GABRA5: variants seen among roughly 807,000 people sequenced by gnomAD.
GABRA5 encodes the protein gamma-aminobutyric acid receptor subunit alpha-5.
GABRA5 carries 18 observed loss-of-function variants against 47.3 expected under a neutral mutation model. That is an observed-to-expected ratio of 0.38 (90% confidence interval 0.26 to 0.56). The LOEUF (loss-of-function observed/expected upper bound fraction) is 0.56. Ranked by LOEUF, GABRA5 falls within the 20% of genes least tolerant of loss-of-function variation. The probability of loss-of-function intolerance (pLI) is 0.71; values close to 1 mark genes in which losing one functional copy is unlikely to be tolerated. For missense variants in GABRA5, 365 were observed against 599.3 expected (o/e 0.61, Z 4.08); for synonymous variants, 237 against 229.3 (o/e 1.03, Z -0.30).
At chr15:26,913,599 C>T (rs926054468) in intron 6 of GABRA5, among the ~76,000 whole-genome samples, 2 of 152,090 alleles carry the variant, frequency 1.3e-5, no homozygotes, top group Non-Finnish European at 2.9e-5. Context: ...ATTATTTGCT[C>T]TAAAAATAGA....
chr15:26,876,358 A>G (rs1286888860), intron 3 of GABRA5, among the ~76,000 whole-genome samples: 1 of 152,190 alleles, frequency 6.6e-6, no homozygotes, highest in East Asian at 1.9e-4. Context: ...AAGTGCACAC[A>G]AAAAGGAAAG....
At chr15:26,947,913 C>T in intron 10 of GABRA5, 21 bp from the exon 11 acceptor site, 1 of 1,553,304 alleles carries the variant, frequency 6.4e-7, no homozygotes, top group South Asian at 1.2e-5. Context: ...CGTGTCCTTA[C>T]ATTCGTATTA....
At chr15:26,893,088 G>C (rs1893053367) in intron 6 of GABRA5, among the ~76,000 whole-genome samples, 2 of 149,972 alleles carry the variant, frequency 1.3e-5, no homozygotes, top group African/African-American at 4.9e-5. Context: ...GTTTGGGGGT[G>C]TATGGTGTGT....
At chr15:26,907,167 C>T (rs998472285) in intron 6 of GABRA5, among the ~76,000 whole-genome samples, 6 of 151,996 alleles carry the variant, frequency 3.9e-5, no homozygotes, top group Admixed American at 6.6e-5. Flanking sequence ...CAAAGTAAGC[C>T]GTATAATTTG....
chr15:26,907,555 C>T (rs564669628), intron 6 of GABRA5, among the ~76,000 whole-genome samples: 1 of 152,262 alleles, frequency 6.6e-6, no homozygotes, highest in South Asian at 2.1e-4. Flanking sequence ...AGGACAATCA[C>T]AATGGCCAGG....
intron 3 of GABRA5, among the ~76,000 whole-genome samples, chr15:26,873,866 G>C (rs1296346589): frequency 6.6e-6 from 1 of 152,214 alleles, no homozygotes; most frequent in African/African-American, 2.4e-5. Flanking sequence ...AGAGCCAAAA[G>C]GCAGTTCTTG....
At chr15:26,881,170 C>T (rs1053727879) in intron 4 of GABRA5, among the ~76,000 whole-genome samples, 5 of 152,162 alleles carry the variant, frequency 3.3e-5, no homozygotes, top group Middle Eastern at 3.2e-3. Flanking sequence ...ATTTTCTAGA[C>T]GCAAGATCCT....
At chr15:26,875,347 G>A (rs1047170918) in intron 3 of GABRA5, among the ~76,000 whole-genome samples, 1 of 152,212 alleles carries the variant, frequency 6.6e-6, no homozygotes, top group African/African-American at 2.4e-5. Flanking sequence ...CACCAATGTG[G>A]ACCATGCTCT....
intron 10 of GABRA5, among the ~76,000 whole-genome samples, chr15:26,945,421 G>A (rs898478170): frequency 6.6e-6 from 1 of 152,242 alleles, no homozygotes; most frequent in African/African-American, 2.4e-5. Context: ...GGGGTGTAAG[G>A]CAGTTTTTAG....
intron 7 of GABRA5, among the ~76,000 whole-genome samples, chr15:26,926,563 T>C (rs1893966916): frequency 6.6e-6 from 1 of 152,166 alleles, no homozygotes; most frequent in Non-Finnish European, 1.5e-5. Flanking sequence ...GTTGGGGACA[T>C]CATTACTTAG....
chr15:26,888,516 G>GGT (rs751653165), intron 6 of GABRA5, among the ~76,000 whole-genome samples: 15 of 152,170 alleles, frequency 9.9e-5, no homozygotes, highest in Admixed American at 5.9e-4. Flanking sequence ...GGTCATCTAG[G>GGT]GTCCAGATGG....
intron 6 of GABRA5, among the ~76,000 whole-genome samples, chr15:26,913,030 A>G (rs948841088): frequency 1.3e-5 from 2 of 152,110 alleles, no homozygotes; most frequent in Non-Finnish European, 2.9e-5. Context: ...CTAAAAATAC[A>G]GAAATTAGCC....
intron 6 of GABRA5, among the ~76,000 whole-genome samples, chr15:26,891,137 G>A (rs1320347921): frequency 6.6e-6 from 1 of 152,158 alleles, no homozygotes; most frequent in Non-Finnish European, 1.5e-5. Context: ...AGTTCCGTCT[G>A]GCCAGGCCAT....
chr15:26,948,336 A>T lies in GABRA5; in HGVS notation c.*103A>T, dbSNP rs1894566761. 8.8e-7 allele frequency: 1 copy of T among 1,139,010 alleles called. No individual in the cohort carries two copies. Among genetic ancestry groups the T allele is most frequent in the Non-Finnish European group, 1.2e-6 (1 of 813,942 alleles). 70.6% of individuals were successfully genotyped at this position (1,139,010 alleles called of 1,614,324 possible). On this transcript the variant is annotated 3_prime_UTR_variant, in exon 11 of 11. Coordinates refer to ENST00000335625, the MANE Select transcript of GABRA5 (RefSeq NM_000810.4). ...TCTCCATATGTGAGCACTATCTTTC[A>T]GGAAATTTTTGCATGTTTAATAATA...
intron 10 of GABRA5, among the ~76,000 whole-genome samples, chr15:26,947,446 T>C (rs1293686322): frequency 6.6e-6 from 1 of 152,144 alleles, no homozygotes; most frequent in African/African-American, 2.4e-5. Flanking sequence ...AGTAAGAACA[T>C]GTGGTATTTG....
intron 10 of GABRA5, among the ~76,000 whole-genome samples, chr15:26,945,769 C>T (rs1894495456): frequency 6.6e-6 from 1 of 152,158 alleles, no homozygotes; most frequent in African/African-American, 2.4e-5. Flanking sequence ...ATCTCCACCA[C>T]CAGCGCCGTG....
At chr15:26,886,675 C>T (rs1892888141) in intron 6 of GABRA5, among the ~76,000 whole-genome samples, 1 of 152,160 alleles carries the variant, frequency 6.6e-6, no homozygotes, top group African/African-American at 2.4e-5. Context: ...AGGGACACAA[C>T]ATCATTAGAT....
At position 26,883,860 on chromosome 15, in the gene GABRA5, C is replaced by G. The variant is rs1892806461; in HGVS notation, c.497+303C>G. 6.6e-6 allele frequency among the ~76,000 whole-genome samples: 1 copy of G among 152,004 alleles called. No homozygotes were observed. The highest frequency in any genetic ancestry group is 1.5e-5 in the Non-Finnish European group (1 of 67,996). On this transcript the variant is annotated intron_variant, in intron 6 of 10. Coordinates refer to ENST00000335625, the MANE Select transcript of GABRA5 (RefSeq NM_000810.4). The surrounding 1 kb of genome is among the most constrained non-coding windows in gnomAD (Gnocchi z 4.8). The stretch of plus-strand genomic sequence containing the variant: ...GATAGGGAAAAATTATTATATTAAA[C>G]TTAAACATCTAAGGAGGACCGGGCG...
intron 7 of GABRA5, among the ~76,000 whole-genome samples, chr15:26,936,091 G>A (rs574942601): frequency 6.6e-5 from 10 of 152,250 alleles, no homozygotes; most frequent in East Asian, 3.9e-4. Context: ...TTTTATAAGC[G>A]TCTGGCATTT....
Sources: allele counts gnomAD v4.1 joint callset (sites outside exome capture counted in the v4.1 genomes callset), GRCh38; gene constraint gnomAD v4.1.1; non-coding constraint Gnocchi (gnomAD v3.1); transcripts MANE v1.5; gene names NCBI Gene and HGNC (gene_info 2026-07-23, HGNC 2026-07-21).